Variants in HS2ST1 observed in about 807,000 individuals in gnomAD.
HS2ST1 encodes the protein 2-O-sulfotransferase.
HS2ST1 carries 18 observed loss-of-function variants against 42.9 expected under a neutral mutation model. The observed-to-expected ratio is 0.42, with a 90% CI of 0.29 to 0.62. HS2ST1 has a LOEUF of 0.62. Among genes scored for constraint, HS2ST1 ranks in the 20% least tolerant of loss-of-function variants. The pLI, the probability that HS2ST1 is intolerant of heterozygous loss-of-function variation, is 0.21. For missense variants in HS2ST1, 334 were observed against 433.8 expected, an observed-to-expected ratio of 0.77 and a Z score of 2.04; for synonymous variants, 146 against 152.9, an observed-to-expected ratio of 0.95 and a Z score of 0.33.
chr1:86,938,380 T>C (rs1006935994), intron 1 of HS2ST1, among the ~76,000 whole-genome samples: 5 of 152,182 alleles, frequency 3.3e-5, no homozygotes, highest in African/African-American at 1.2e-4. Context: ...AATGAGAACC[T>C]TCTTTCCCAA....
At chr1:87,066,613 T>C (rs1459173278) in intron 1 of HS2ST1, among the ~76,000 whole-genome samples, 2 of 152,122 alleles carry the variant, frequency 1.3e-5, no homozygotes, top group Non-Finnish European at 2.9e-5. Flanking sequence ...CTGGGGTACA[T>C]GTGCAGAACA....
In HS2ST1 at chr1:86,933,775, T is replaced by C. The variant is rs972221357; in HGVS notation, c.124+18615T>C. 3.3e-5 allele frequency among the ~76,000 whole-genome samples: 5 copies of C among 151,522 alleles called. No homozygotes were observed. The East Asian group carries it at 9.6e-4, about 29-fold the overall frequency. Reference sequence around the variant, plus strand: ...AAAAAGAACTGAGATAAACAGGCCTTTAGTGTGGCCTAGAGGCCTATCTGG... The same window carrying C: ...AAAAAGAACTGAGATAAACAGGCCTCTAGTGTGGCCTAGAGGCCTATCTGG... On this transcript the variant is annotated intron_variant, in intron 1 of 6. Transcript: ENST00000370550.
chr1:87,005,975 T>C (rs1654892121), intron 1 of HS2ST1, among the ~76,000 whole-genome samples: 1 of 152,174 alleles, frequency 6.6e-6, no homozygotes, highest in African/African-American at 2.4e-5. Context: ...GAAAGATTTA[T>C]TTCTAGAGCC....
chr1:87,078,199 G>A (rs1011122409), intron 2 of HS2ST1, among the ~76,000 whole-genome samples: 1 of 152,174 alleles, frequency 6.6e-6, no homozygotes, highest in Non-Finnish European at 1.5e-5. Flanking sequence ...TTTAGATAGT[G>A]AAAACAAATG....
intron 1 of HS2ST1, among the ~76,000 whole-genome samples, chr1:86,994,978 T>A (rs1649057571): frequency 6.6e-6 from 1 of 152,122 alleles, no homozygotes. Flanking sequence ...TAGAATAAAG[T>A]TCATTAATGC....
At chr1:87,053,668 C>T (rs1650887432) in intron 1 of HS2ST1, among the ~76,000 whole-genome samples, 1 of 152,136 alleles carries the variant, frequency 6.6e-6, no homozygotes, top group Non-Finnish European at 1.5e-5. Flanking sequence ...ATTTTAAAGG[C>T]ATGTCAGTAA....
intron 1 of HS2ST1, among the ~76,000 whole-genome samples, chr1:87,002,841 G>A (rs1329168376): frequency 1.3e-5 from 2 of 152,006 alleles, no homozygotes; most frequent in Non-Finnish European, 2.9e-5. Flanking sequence ...AAGCCATTTG[G>A]GAATCATTGA....
intron 1 of HS2ST1, among the ~76,000 whole-genome samples, chr1:86,955,822 C>A (rs1647661829): frequency 6.6e-6 from 1 of 151,858 alleles, no homozygotes; most frequent in South Asian, 2.1e-4. Context: ...CCCTCTCTAC[C>A]AAAAATACAA....
chr1:86,993,029 C>G, intron 1 of HS2ST1: 1 of 1,561,496 alleles, frequency 6.4e-7, no homozygotes, highest in Non-Finnish European at 8.7e-7. Flanking sequence ...GTACCTCTCA[C>G]AGAAGAGTCT....
intron 1 of HS2ST1, chr1:86,932,564 A>T (rs556308777): frequency 6.6e-6 from 1 of 152,176 alleles, no homozygotes; most frequent in African/African-American, 2.4e-5. Context: ...AAATACATTG[A>T]TTTGTTATTT....
intron 1 of HS2ST1, among the ~76,000 whole-genome samples, chr1:86,919,904 G>A (rs1417693247): frequency 1.3e-5 from 2 of 152,164 alleles, no homozygotes; most frequent in Admixed American, 6.6e-5. Context: ...ATTTTCTAGT[G>A]AGAAATGGAA....
At chr1:87,036,237 A>G (rs1650372611) in intron 1 of HS2ST1, among the ~76,000 whole-genome samples, 1 of 152,116 alleles carries the variant, frequency 6.6e-6, no homozygotes, top group Admixed American at 6.6e-5. Flanking sequence ...AGTCTTTGCT[A>G]TTGTGAGCAG....
At chr1:87,067,433 A>G (rs1233829397) in intron 1 of HS2ST1, among the ~76,000 whole-genome samples, 1 of 151,738 alleles carries the variant, frequency 6.6e-6, no homozygotes, top group Non-Finnish European at 1.5e-5. Context: ...TTTTCTTGTA[A>G]ATTTGTTTAA....
At chr1:86,947,220 A>G (rs1013209102) in intron 1 of HS2ST1, among the ~76,000 whole-genome samples, 1 of 152,262 alleles carries the variant, frequency 6.6e-6, no homozygotes, top group East Asian at 1.9e-4. Flanking sequence ...TTGAAAAGAT[A>G]GTCTGAAGCA....
At chr1:87,023,050 A>G (rs1286667556) in intron 1 of HS2ST1, among the ~76,000 whole-genome samples, 1 of 152,224 alleles carries the variant, frequency 6.6e-6, no homozygotes, top group Non-Finnish European at 1.5e-5. Flanking sequence ...GATAAAATCA[A>G]GCATAAACAA....
chr1:86,926,748 T>C (rs1424693181), intron 1 of HS2ST1, among the ~76,000 whole-genome samples: 1 of 152,184 alleles, frequency 6.6e-6, no homozygotes, highest in African/African-American at 2.4e-5. Flanking sequence ...ATATTGTAAA[T>C]TCAGGGAAAG....
intron 1 of HS2ST1, among the ~76,000 whole-genome samples, chr1:87,052,021 G>A (rs950197163): frequency 1.3e-5 from 2 of 152,192 alleles, no homozygotes. Flanking sequence ...GGGAGGCTGA[G>A]GTGGGCTAAT....
At chr1:87,000,623 C>T (rs1436954187) in intron 1 of HS2ST1, among the ~76,000 whole-genome samples, 1 of 152,138 alleles carries the variant, frequency 6.6e-6, no homozygotes, top group Non-Finnish European at 1.5e-5. Context: ...GTAGTTTGCC[C>T]TAATCAATTG....
chr1:86,968,740 A>G (rs1040134516), intron 1 of HS2ST1, among the ~76,000 whole-genome samples: 3 of 152,052 alleles, frequency 2.0e-5, no homozygotes, highest in Admixed American at 6.5e-5. Flanking sequence ...AACTTTCTCT[A>G]TTATTGTAGA....
Sources: gnomAD v4.1 joint callset for allele counts (sites outside exome capture counted in the v4.1 genomes callset) on GRCh38, gnomAD v4.1.1 for gene constraint, MANE v1.5 for transcripts, NCBI Gene and HGNC (gene_info 2026-07-23, HGNC 2026-07-21) for gene names.